LRMDA: variants seen among roughly 807,000 people sequenced by gnomAD.
LRMDA encodes leucine-rich melanocyte differentiation-associated protein.
A neutral mutation model predicts 29.8 loss-of-function variants in LRMDA; 18 were observed. The observed-to-expected ratio is 0.60, with a 90% CI of 0.42 to 0.90. The LOEUF is 0.90. LRMDA is among the 40% of genes least tolerant of loss of function. The pLI is 0.00. For missense variants in LRMDA, 273 were observed against 273.9 expected, an observed-to-expected ratio of 1.00 and a Z score of 0.02; for synonymous variants, 125 against 109.4, an observed-to-expected ratio of 1.14 and a Z score of -0.89.
At chr10:75,723,125 A>G (rs1424310659) in intron 2 of LRMDA, among the ~76,000 whole-genome samples, 2 of 152,210 alleles carry the variant, frequency 1.3e-5, no homozygotes, top group African/African-American at 2.4e-5. Flanking sequence ...TTGTTCTACA[A>G]CTGTACCTTT....
intron 5 of LRMDA, among the ~76,000 whole-genome samples, chr10:76,118,906 A>G (rs1438836354): frequency 7.3e-6 from 1 of 136,680 alleles, no homozygotes; most frequent in African/African-American, 2.8e-5. Flanking sequence ...CTTGAGGCGA[A>G]TGAAGGTCTC....
chr10:75,520,464 C>T (rs1374373823), intron 2 of LRMDA, among the ~76,000 whole-genome samples: 1 of 152,138 alleles, frequency 6.6e-6, no homozygotes, highest in Admixed American at 6.5e-5. Context: ...TCCACTTGAT[C>T]GAATCAGCTA....
intron 2 of LRMDA, among the ~76,000 whole-genome samples, chr10:75,592,073 G>A (rs1840730070): frequency 6.6e-6 from 1 of 151,964 alleles, no homozygotes; most frequent in African/African-American, 2.4e-5. Flanking sequence ...CAAGCAGAGG[G>A]AGAAAAAGCA....
intron 6 of LRMDA, among the ~76,000 whole-genome samples, chr10:76,542,149 A>G (rs138814434): frequency 2.1e-3 from 320 of 152,164 alleles, no homozygotes; most frequent in African/African-American, 7.5e-3. Context: ...GCACATTTTC[A>G]CATTTGGGTT....
intron 6 of LRMDA, among the ~76,000 whole-genome samples, chr10:76,461,272 C>T (rs1842509258): frequency 6.6e-6 from 1 of 152,130 alleles, no homozygotes; most frequent in African/African-American, 2.4e-5. Flanking sequence ...CATCAAGAAC[C>T]AAAGTCCTGT....
chr10:76,165,749 A>G (rs919864395), intron 5 of LRMDA, among the ~76,000 whole-genome samples: 1 of 152,202 alleles, frequency 6.6e-6, no homozygotes, highest in Non-Finnish European at 1.5e-5. Flanking sequence ...GTGAGAACTC[A>G]TGATCATGAG....
At chr10:75,771,272 C>T (rs1324702825) in intron 2 of LRMDA, among the ~76,000 whole-genome samples, 1 of 152,040 alleles carries the variant, frequency 6.6e-6, no homozygotes, top group East Asian at 1.9e-4. Flanking sequence ...TCCTTCCTTC[C>T]ATCCATGCAT....
Position 76,371,118 on chromosome 10 carries a change from G to A in LRMDA, c.601+46633G>A, listed in dbSNP as rs556669166. Among the ~76,000 whole-genome samples, 10 of 152,298 alleles carry A rather than the reference G, an allele frequency of 6.6e-5. No individual in the cohort carries two copies. In the South Asian group the frequency reaches 1.5e-3, roughly 22 times the overall value. On this transcript the variant is annotated intron_variant, in intron 6 of 6. Transcript: ENST00000611255. The stretch of plus-strand genomic sequence containing the variant: ...CTGCAAGAGTTCTAAAATTTGGATC[G>A]TGTCATTGCCTGAGCTTTCAGACAT...
At chr10:75,438,531 A>C in intron 2 of LRMDA, 37 bp downstream of exon 2, 3 of 1,489,482 alleles carry the variant, frequency 2.0e-6, no homozygotes, top group Non-Finnish European at 2.7e-6. Context: ...CAGGCCTGGG[A>C]GGCCCAGTCC....
intron 6 of LRMDA, among the ~76,000 whole-genome samples, chr10:76,476,761 A>C (rs917871651): frequency 3.3e-5 from 5 of 152,166 alleles, no homozygotes; most frequent in African/African-American, 9.7e-5. Flanking sequence ...CAAATCAATA[A>C]ATGTAATCCA....
rs1243584323 is a variant in LRMDA at position 75,438,297 on chromosome 10, A to C, written c.31-97A>C. 7 of 950,710 alleles carry C rather than the reference A, an allele frequency of 7.4e-6. No individual in the cohort carries two copies. In the East Asian group the frequency reaches 1.8e-4, roughly 25 times the overall value. The allele number at this position is 950,710 out of a possible 1,614,324, so 58.9% of individuals were successfully genotyped here. A position where few individuals can be genotyped will look rare whatever the true frequency, so the allele number is the denominator to read the frequency against. ...TTTGTGTGTGAGAAACATGTGTTTC[A>C]AGTTGCAGAAGCAATCATTGGATCA... On this transcript the variant is annotated intron_variant, in intron 1 of 6. Coordinates refer to ENST00000611255, the MANE Select transcript of LRMDA (RefSeq NM_001305581.2).
At chr10:75,712,435 G>T (rs1435556181) in intron 2 of LRMDA, among the ~76,000 whole-genome samples, 1 of 151,484 alleles carries the variant, frequency 6.6e-6, no homozygotes, top group Admixed American at 6.6e-5. Flanking sequence ...CAGCGGGCGG[G>T]TGGGGGCGGT....
At chr10:75,466,968 T>C (rs1254709994) in intron 2 of LRMDA, among the ~76,000 whole-genome samples, 1 of 151,976 alleles carries the variant, frequency 6.6e-6, no homozygotes, top group Non-Finnish European at 1.5e-5. Context: ...AGTGACTCAG[T>C]TGATTTATTC....
intron 2 of LRMDA, among the ~76,000 whole-genome samples, chr10:75,523,309 C>G (rs1193739442): frequency 1.3e-5 from 2 of 152,146 alleles, no homozygotes; most frequent in African/African-American, 4.8e-5. Context: ...CGTCCTTGTT[C>G]CATGTCATCC....
At position 76,530,143 on chromosome 10, in the gene LRMDA, G is replaced by A. The variant is rs150734215; in HGVS notation, c.602-27066G>A. Among the ~76,000 whole-genome samples, 321 of 152,238 alleles carry A rather than the reference G, an allele frequency of 2.1e-3. 3 individuals are homozygous for A. Among genetic ancestry groups the A allele is most frequent in the Non-Finnish European group, 2.6e-3 (178 of 68,018 alleles). ...GAAAGCATGGACATGCCATTTAAAG[G>A]TCCCAGGAGATTGATTTCCAACTGG... On this transcript the variant is annotated intron_variant, in intron 6 of 6. Transcript: ENST00000611255.
At chr10:75,986,869 A>T (rs962459979) in intron 2 of LRMDA, among the ~76,000 whole-genome samples, 12 of 152,254 alleles carry the variant, frequency 7.9e-5, no homozygotes, top group African/African-American at 2.7e-4. Flanking sequence ...GAGTCTGGGA[A>T]GACTGACTGA....
intron 2 of LRMDA, among the ~76,000 whole-genome samples, chr10:75,566,603 TTTC>T (rs1441153924): frequency 1.3e-5 from 2 of 152,164 alleles, no homozygotes; most frequent in African/African-American, 4.8e-5. Flanking sequence ...TTTGCACACT[TTTC>T]TTCTTCAAAG....
chr10:75,814,785 G>A (rs963016747), intron 2 of LRMDA, among the ~76,000 whole-genome samples: 1 of 152,224 alleles, frequency 6.6e-6, no homozygotes, highest in African/African-American at 2.4e-5. Context: ...CACTTAAGAT[G>A]CGTGTTAGAA....
intron 2 of LRMDA, among the ~76,000 whole-genome samples, chr10:75,911,742 A>G (rs1361808052): frequency 6.6e-6 from 1 of 152,154 alleles, no homozygotes; most frequent in African/African-American, 2.4e-5. Context: ...CAGATAGAAA[A>G]TAAAATGTAG....
Sources: gnomAD v4.1 joint callset for allele counts (sites outside exome capture counted in the v4.1 genomes callset) on GRCh38, gnomAD v4.1.1 for gene constraint, MANE v1.5 for transcripts, NCBI Gene and HGNC (gene_info 2026-07-23, HGNC 2026-07-21) for gene names.